The following RFX3 variants were observed in gnomAD, a reference collection of about 807,000 sequenced individuals.
RFX3 encodes transcription factor RFX3.
RFX3 carries 14 observed loss-of-function variants against 98.6 expected under a neutral mutation model. The observed-to-expected ratio is 0.14, with a 90% CI of 0.09 to 0.22. The LOEUF (loss-of-function observed/expected upper bound fraction) is 0.22, where lower values mean the gene tolerates loss of function less well. Among genes scored for constraint, RFX3 ranks in the 10% least tolerant of loss-of-function variants. RFX3 has a pLI of 1.00. For missense variants in RFX3, 639 were observed against 926.9 expected, an observed-to-expected ratio of 0.69 and a Z score of 4.03; for synonymous variants, 383 against 328.4, an observed-to-expected ratio of 1.17 and a Z score of -1.80.
Position 3,244,597 on chromosome 9 carries a change from C to T in RFX3, c.1968+3435G>A, listed in dbSNP as rs563127081. 5.3e-5 allele frequency among the ~76,000 whole-genome samples: 8 copies of T among 152,278 alleles called. No individual in the cohort carries two copies. The South Asian group carries it at 1.7e-3, about 32-fold the overall frequency. ...CTCTGTCAGGGCCTGTGCACATTCCCCTGTGCCTGGGGTGTTTTTCACCCC... is the reference window on the plus strand; with the variant it reads ...CTCTGTCAGGGCCTGTGCACATTCCTCTGTGCCTGGGGTGTTTTTCACCCC... On this transcript the variant is annotated intron_variant, in intron 15 of 16. Coordinates refer to ENST00000617270, the MANE Select transcript of RFX3 (RefSeq NM_001282116.2).
intron 6 of RFX3, among the ~76,000 whole-genome samples, chr9:3,290,435 A>G (rs1827191224): frequency 6.6e-6 from 1 of 152,174 alleles, no homozygotes; most frequent in South Asian, 2.1e-4. Flanking sequence ...TTTCAGTAAC[A>G]AAAGAAGGAC....
At chr9:3,302,481 ACAC>A (rs1828783101) in intron 4 of RFX3, among the ~76,000 whole-genome samples, 1 of 151,848 alleles carries the variant, frequency 6.6e-6, no homozygotes, top group African/African-American at 2.4e-5. Context: ...CAGGTACTGA[ACAC>A]CATGTATTTG....
chr9:3,254,075 C>A (rs977754034), intron 14 of RFX3, among the ~76,000 whole-genome samples: 1 of 152,014 alleles, frequency 6.6e-6, no homozygotes, highest in African/African-American at 2.4e-5. Flanking sequence ...ATAATAGTAT[C>A]TAATAATAAC....
intron 1 of RFX3, among the ~76,000 whole-genome samples, chr9:3,398,378 G>T (rs1470987116): frequency 3.3e-5 from 5 of 151,978 alleles, no homozygotes; most frequent in African/African-American, 9.7e-5. Flanking sequence ...CAAAAGCCAG[G>T]GTCCTTTGAT....
intron 1 of RFX3, among the ~76,000 whole-genome samples, chr9:3,464,867 C>T (rs1366376817): frequency 1.3e-5 from 2 of 151,902 alleles, no homozygotes; most frequent in African/African-American, 4.8e-5. Flanking sequence ...ATCCAAGAAA[C>T]AGTTCCAATT....
intron 1 of RFX3, among the ~76,000 whole-genome samples, chr9:3,504,921 C>CATATATTATATATTATATAATATAAT (rs1564185736): frequency 4.7e-5 from 1 of 21,430 alleles, no homozygotes; most frequent in Non-Finnish European, 8.5e-5. Flanking sequence ...TATAATATAA[C>CATATATTATATATTATATAATATAAT]ATATATTATA....
chr9:3,311,179 A>T (rs1476677603), intron 4 of RFX3, among the ~76,000 whole-genome samples: 1 of 152,246 alleles, frequency 6.6e-6, no homozygotes, highest in Non-Finnish European at 1.5e-5. Context: ...AGAGAAACTT[A>T]ATGAAGAGGA....
At chr9:3,493,486 C>A (rs1050700529) in intron 1 of RFX3, among the ~76,000 whole-genome samples, 5 of 151,852 alleles carry the variant, frequency 3.3e-5, no homozygotes, top group African/African-American at 1.2e-4. Flanking sequence ...AGATCGAGAC[C>A]ATTCTGGCTA....
chr9:3,421,371 C>G (rs114145661), intron 1 of RFX3, among the ~76,000 whole-genome samples: 1 of 152,154 alleles, frequency 6.6e-6, no homozygotes, highest in Non-Finnish European at 1.5e-5. Flanking sequence ...GCTGAATATC[C>G]TCCTTTCATC....
intron 4 of RFX3, among the ~76,000 whole-genome samples, chr9:3,325,062 A>G (rs1447286938): frequency 6.6e-6 from 1 of 152,204 alleles, no homozygotes; most frequent in East Asian, 1.9e-4. Flanking sequence ...AGAGAGACTC[A>G]TGTACTTTCT....
intron 1 of RFX3, among the ~76,000 whole-genome samples, chr9:3,470,168 A>G (rs1848647735): frequency 6.6e-6 from 1 of 152,260 alleles, no homozygotes; most frequent in Non-Finnish European, 1.5e-5. Context: ...CAACAATGGT[A>G]GGTTAAAACA....
intron 1 of RFX3, among the ~76,000 whole-genome samples, chr9:3,502,100 A>T (rs76005048): frequency 2.0e-5 from 3 of 151,246 alleles, no homozygotes; most frequent in Non-Finnish European, 3.0e-5. Context: ...AAAAAAAAAA[A>T]TACAAAAAAT....
chr9:3,350,405 C>A (rs1490547248), intron 2 of RFX3, among the ~76,000 whole-genome samples: 1 of 152,096 alleles, frequency 6.6e-6, no homozygotes, highest in African/African-American at 2.4e-5. Context: ...ATCCAGAACA[C>A]TGATAATACT....
chr9:3,329,531 A>G (rs1055177151), intron 4 of RFX3, among the ~76,000 whole-genome samples: 1 of 152,086 alleles, frequency 6.6e-6, no homozygotes, highest in Non-Finnish European at 1.5e-5. Context: ...CTATGATCAG[A>G]GCCAACACAA....
chr9:3,222,995 C>T lies in RFX3; in HGVS notation c.*2047G>A, dbSNP rs567396304. On this transcript the variant is annotated 3_prime_UTR_variant, in exon 17 of 17. Transcript: ENST00000617270. The stretch of plus-strand genomic sequence containing the variant: ...CAATTAAGCAACAACAGCTTAAATA[C>T]ACTGTGTATTACCCGATAAGCCATT... The T allele has an allele frequency of 1.3e-5, 2 of 152,196 alleles. No individual in the cohort carries two copies. The highest frequency in any genetic ancestry group is 1.9e-4 in the East Asian group (1 of 5,178). The allele number at this position is 152,196 out of a possible 1,614,324, so 9.4% of individuals were successfully genotyped here. A position where few individuals can be genotyped will look rare whatever the true frequency, so the allele number is the denominator to read the frequency against.
intron 1 of RFX3, among the ~76,000 whole-genome samples, chr9:3,475,699 G>A (rs1849184092): frequency 6.6e-6 from 1 of 152,178 alleles, no homozygotes; most frequent in African/African-American, 2.4e-5. Flanking sequence ...CAGGTGTACA[G>A]GATGGAACAT....
At chr9:3,263,926 C>T (rs779294352) in intron 12 of RFX3, among the ~76,000 whole-genome samples, 20 of 152,250 alleles carry the variant, frequency 1.3e-4, no homozygotes, top group Non-Finnish European at 2.8e-4. Flanking sequence ...GCGGAACCTG[C>T]TTTCCTTTTC....
intron 4 of RFX3, among the ~76,000 whole-genome samples, chr9:3,309,214 A>AT (rs1434321098): frequency 1.3e-5 from 2 of 152,146 alleles, no homozygotes; most frequent in East Asian, 3.8e-4. Context: ...TTTCTCAGGA[A>AT]TTAGGATTAG....
At chr9:3,331,164 T>A (rs1427668616) in intron 3 of RFX3, among the ~76,000 whole-genome samples, 1 of 152,214 alleles carries the variant, frequency 6.6e-6, no homozygotes, top group African/African-American at 2.4e-5. Context: ...ACAGTCAAGC[T>A]TCTGCCCTTA....
Sources: allele counts gnomAD v4.1 joint callset (sites outside exome capture counted in the v4.1 genomes callset), GRCh38; gene constraint gnomAD v4.1.1; transcripts MANE v1.5; gene names NCBI Gene and HGNC (gene_info 2026-07-23, HGNC 2026-07-21).